The following CEP152 variants were observed in gnomAD, a reference collection of about 807,000 sequenced individuals.
CEP152 encodes the protein centrosomal protein 152.
Under a neutral mutation model 188.9 loss-of-function variants are expected in CEP152, and 132 were observed. The ratio of observed to expected loss-of-function variants is 0.70; its 90% confidence interval spans 0.61 to 0.81. The LOEUF (loss-of-function observed/expected upper bound fraction) is 0.81, where lower values mean the gene tolerates loss of function less well. CEP152 is among the 30% of genes least tolerant of loss of function. The pLI is 0.00. For missense variants in CEP152, 1,914 were observed against 1,969.8 expected (o/e 0.97, Z 0.54); for synonymous variants, 649 against 666.6 (o/e 0.97, Z 0.41).
chr15:48,734,987 T>C (rs1216417445), downstream of CEP152, among the ~76,000 whole-genome samples: 1 of 152,218 alleles, frequency 6.6e-6, no homozygotes, highest in Non-Finnish European at 1.5e-5. Flanking sequence ...AGCAAGGCTA[T>C]AGCAGACTTG....
In CEP152 at chr15:48,741,764, C is replaced by T. The variant is rs986611743; in HGVS notation, c.3990-60G>A. On this transcript the variant is annotated intron_variant, in intron 25 of 26. Transcript: ENST00000380950. Reference sequence around the variant, plus strand: ...TAAAGGAAAAAATGAGTTGCCTTAGCCCCATGGTTTCTGTTTTCCTATTGG... The same window carrying T: ...TAAAGGAAAAAATGAGTTGCCTTAGTCCCATGGTTTCTGTTTTCCTATTGG... 4 of 1,611,480 alleles carry T rather than the reference C, an allele frequency of 2.5e-6. No homozygotes were observed. In the Admixed American group the frequency reaches 6.7e-5, roughly 27 times the overall value.
chr15:48,809,235 T>TA (rs1898184412), intron 1 of CEP152, among the ~76,000 whole-genome samples: 1 of 152,190 alleles, frequency 6.6e-6, no homozygotes, highest in Admixed American at 6.5e-5. Context: ...CTGAATATGA[T>TA]ATAGGCATGT....
chr15:48,761,872 G>A (rs1894712422), intron 18 of CEP152, among the ~76,000 whole-genome samples: 1 of 152,124 alleles, frequency 6.6e-6, no homozygotes, highest in Non-Finnish European at 1.5e-5. Context: ...TTAAAAGCTA[G>A]TTTTGTGAGT....
Position 48,783,983 on chromosome 15 carries a change from C to T in CEP152, c.1311G>A (p.Leu437=), listed in dbSNP as rs747908619. The change falls in exon 10 of 27, where the codon TTG becomes TTA. Residue 437 remains leucine (L), a synonymous_variant. Coordinates refer to ENST00000380950, the MANE Select transcript of CEP152 (RefSeq NM_001194998.2). ...LEESQKQCAH[L]LQSGSVQEVA... is the part of the protein sequence containing the mutation. ...CTACCAGACACCTACCGGACTGCAACAAGTGGGCACACTGCTTTTGACTCT... is the reference window on the plus strand; with the variant it reads ...CTACCAGACACCTACCGGACTGCAATAAGTGGGCACACTGCTTTTGACTCT... 3.7e-6 allele frequency: 6 copies of T among 1,613,656 alleles called. 1 individual carries two copies. The Admixed American group carries it at 5.0e-5, about 13-fold the overall frequency.
chr15:48,770,255 G>C (rs1017057848), intron 13 of CEP152, among the ~76,000 whole-genome samples: 2 of 152,190 alleles, frequency 1.3e-5, no homozygotes, highest in African/African-American at 4.8e-5. Flanking sequence ...GAGGTGGGCA[G>C]ATCACTTGAG....
rs1893643228 is a variant in CEP152, at chr15:48,748,624, A to G, written c.3467-14T>C. ...CCTTTTTCTTATCTGCAAAAATTAA[A>G]TGACAGAAAACTTTTATATCAGTTT... On this transcript the variant is annotated splice_polypyrimidine_tract_variant and intron_variant, in intron 21 of 26. Coordinates refer to ENST00000380950, the MANE Select transcript of CEP152 (RefSeq NM_001194998.2). 1 of 1,468,664 alleles carries G rather than the reference A, an allele frequency of 6.8e-7. No individual in the cohort carries two copies. The highest frequency in any genetic ancestry group is 1.4e-5 in the African/African-American group (1 of 69,466). 91.0% of individuals were successfully genotyped at this position (1,468,664 alleles called of 1,614,324 possible).
chr15:48,789,610 G>A (rs1896883085), intron 8 of CEP152, among the ~76,000 whole-genome samples: 1 of 152,186 alleles, frequency 6.6e-6, no homozygotes. Flanking sequence ...TTAAAATAAG[G>A]TGAGTAGCCT....
Position 48,744,843 on chromosome 15 carries a change from ATACTTG to A in CEP152, c.3731+47_3731+52del, listed in dbSNP as rs1179393744. 4.7e-6 allele frequency: 7 copies of A among 1,492,996 alleles called. No homozygotes were observed. The African/African-American group carries it at 5.7e-5, about 12-fold the overall frequency. The allele number at this position is 1,492,996 out of a possible 1,614,324, so 92.5% of individuals were successfully genotyped here. A position where few individuals can be genotyped will look rare whatever the true frequency, so the allele number is the denominator to read the frequency against. On this transcript the variant is annotated intron_variant, in intron 23 of 26. Coordinates refer to ENST00000380950, the MANE Select transcript of CEP152 (RefSeq NM_001194998.2). ...AATTGATACTTAAAAAAATTTAAAG[ATACTTG>A]TACTTAGATTTCTTTAAAATAGCAC... is the stretch of plus-strand genomic sequence containing the variant.
chr15:48,738,326 G>T lies in CEP152; in HGVS notation c.5056C>A (p.Pro1686Thr). The T allele has an allele frequency of 6.2e-7, 1 of 1,614,060 alleles. No homozygotes were observed. ...STLPSSVCQQ[P>T]SRKLIVPLSS... ...AGCGGAACAATTAATTTTCTTGAAG[G>T]CTGCTGACACACTGAAGATGGTAAT... The change falls in exon 27 of 27, where the codon CCT becomes ACT. Residue 1686 changes from proline to threonine, a missense_variant. Pro to Thr is a conservative substitution (Grantham distance 38, BLOSUM62 -1). Transcript: ENST00000380950.
downstream of CEP152, among the ~76,000 whole-genome samples, chr15:48,736,177 G>T (rs2140532475): frequency 6.6e-6 from 1 of 152,236 alleles, no homozygotes; most frequent in East Asian, 1.9e-4. Context: ...CACCAGCCCA[G>T]GCTAGATGCC....
chr15:48,731,945 T>C lies in CEP152; in HGVS notation c.142+9686A>G, dbSNP rs149336680. On this transcript the variant is annotated intron_variant and NMD_transcript_variant, in intron 2 of 3. Coordinates refer to the CEP152 transcript ENST00000561245. ...ACATATGAAAAAAGCTCAACATCAC[T>C]GGTCATTAGAGAAATGCAAATCAAA... 4.1e-3 allele frequency among the ~76,000 whole-genome samples: 629 copies of C among 152,302 alleles called. 3 individuals are homozygous for C. Among genetic ancestry groups the C allele is most frequent in the African/African-American group, 0.015 (608 of 41,554 alleles).
At chr15:48,787,163 GTTT>G (rs747436177) in intron 9 of CEP152, among the ~76,000 whole-genome samples, 24 of 101,502 alleles carry the variant, frequency 2.4e-4, no homozygotes, top group Admixed American at 5.2e-4. Flanking sequence ...TATAGCCTTC[GTTT>G]TTTTTTTTTT....
At chr15:48,804,103 T>C (rs574303948) in intron 2 of CEP152, among the ~76,000 whole-genome samples, 188 of 152,300 alleles carry the variant, frequency 1.2e-3, no homozygotes, top group African/African-American at 4.1e-3. Context: ...CCCATGTCTG[T>C]GTGAGAAGTG....
At chr15:48,737,254 A>C (rs572935590), downstream of CEP152, among the ~76,000 whole-genome samples, 3 of 152,184 alleles carry the variant, frequency 2.0e-5, no homozygotes, top group African/African-American at 7.2e-5. Context: ...TTAACCCCCA[A>C]ATACAATCCA....
chr15:48,756,500 A>T lies in CEP152; in HGVS notation c.2748T>A (p.Asn916Lys). ...AKEKWKSELE[N>K]MRKNILPGKE... ...TTCCAGGAAGTATATTTTTCCTCAT[A>T]TTTTCAAGCTCACTCTTCCATTTCT... Residue 916 changes from asparagine to lysine, a missense_variant, in exon 20 of 27, where the codon AAT (asparagine) becomes AAA (lysine). Asn to Lys is a moderately conservative substitution (Grantham distance 94). Transcript: ENST00000380950. 6.2e-7 allele frequency: 1 copy of T among 1,611,344 alleles called. No individual in the cohort carries two copies. Among genetic ancestry groups the T allele is most frequent in the Non-Finnish European group, 8.5e-7 (1 of 1,179,866 alleles).
In CEP152 at chr15:48,805,617, T is replaced by C. The variant is rs753395975; in HGVS notation, c.33A>G (p.Pro11=). MSLDFGSVAL[P]VQNEDEEYDE... ...CATACTCTTCATCTTCATTTTGCAC[T>C]GGTAGTGCCACACTGCCAAAGTCTA... The change falls in exon 2 of 27, where the codon CCA becomes CCG. Residue 11 remains proline, a synonymous_variant. Coordinates refer to ENST00000380950, the MANE Select transcript of CEP152 (RefSeq NM_001194998.2). 6 of 1,610,484 alleles carry C rather than the reference T, an allele frequency of 3.7e-6. No individual in the cohort carries two copies. Among genetic ancestry groups the C allele is most frequent in the Non-Finnish European group, 5.1e-6 (6 of 1,178,480 alleles).
rs1896982578 is a variant in CEP152 at position 48,791,442 on chromosome 15, A to G, written c.833-66T>C. On this transcript the variant is annotated intron_variant, in intron 7 of 26. Coordinates refer to ENST00000380950, the MANE Select transcript of CEP152 (RefSeq NM_001194998.2). Reference sequence around the variant, plus strand: ...GAGGGACCCCAATGTCACAATCCCAATCAGATGTCACGTCTGTATCATATA... The same window carrying G: ...GAGGGACCCCAATGTCACAATCCCAGTCAGATGTCACGTCTGTATCATATA... 3.0e-6 allele frequency: 4 copies of G among 1,341,676 alleles called. No individual in the cohort carries two copies. The African/African-American group carries it at 4.3e-5, about 14-fold the overall frequency. 83.1% of individuals were successfully genotyped at this position (1,341,676 alleles called of 1,614,324 possible). A position where few individuals can be genotyped will look rare whatever the true frequency, so the allele number is the denominator to read the frequency against.
At chr15:48,753,561 A>C (rs1395257702) in intron 20 of CEP152, among the ~76,000 whole-genome samples, 1 of 152,220 alleles carries the variant, frequency 6.6e-6, no homozygotes, top group Non-Finnish European at 1.5e-5. Flanking sequence ...AGAGGCAATC[A>C]AGAAGCTATG....
intron 23 of CEP152, 123 bp downstream of exon 23, chr15:48,744,773 G>T: frequency 2.2e-6 from 2 of 908,106 alleles, no homozygotes; most frequent in Non-Finnish European, 1.6e-6. Flanking sequence ...ATAAGGTTTT[G>T]GGGGATTTTC....
Sources: allele counts gnomAD v4.1 joint callset (sites outside exome capture counted in the v4.1 genomes callset), GRCh38; gene constraint gnomAD v4.1.1; transcripts MANE v1.5; gene names NCBI Gene and HGNC (gene_info 2026-07-23, HGNC 2026-07-21).